MAP2K4: variants seen among roughly 807,000 people sequenced by gnomAD.
The protein encoded by MAP2K4 is dual specificity mitogen-activated protein kinase kinase 4.
Under a neutral mutation model 48.5 loss-of-function variants are expected in MAP2K4, and 4 were observed. The ratio of observed to expected loss-of-function variants is 0.08; its 90% CI spans 0.04 to 0.19. MAP2K4 has a LOEUF of 0.19. Among genes scored for constraint, MAP2K4 ranks in the 10% least tolerant of loss-of-function variants. The probability of loss-of-function intolerance (pLI) is 1.00; values close to 1 mark genes in which losing one functional copy is unlikely to be tolerated. For synonymous variants in MAP2K4, 166 were observed against 173.1 expected (o/e 0.96, Z 0.32); for missense variants, 258 against 493.3 (o/e 0.52, Z 4.52).
At chr17:12,073,597 C>A (rs549557598) in intron 2 of MAP2K4, among the ~76,000 whole-genome samples, 1 of 152,024 alleles carries the variant, frequency 6.6e-6, no homozygotes, top group East Asian at 1.9e-4. Flanking sequence ...TCTTCTTTTT[C>A]TTTCTCTCCT....
intron 7 of MAP2K4, chr17:12,124,668 C>A (rs1171189266): frequency 2.6e-5 from 4 of 151,748 alleles, no homozygotes; most frequent in Non-Finnish European, 5.9e-5. Flanking sequence ...TTTTTTAAAA[C>A]CTTTTTATTT....
chr17:12,078,213 G>C (rs1422706043), intron 2 of MAP2K4, among the ~76,000 whole-genome samples: 1 of 152,214 alleles, frequency 6.6e-6, no homozygotes, highest in East Asian at 1.9e-4. Context: ...TTGGGTGACA[G>C]CTGATAGTTA....
At chr17:12,095,795 A>C (rs1474387770) in intron 4 of MAP2K4, 101 bp downstream of exon 4, 2 of 1,302,658 alleles carry the variant, frequency 1.5e-6, no homozygotes, top group Non-Finnish European at 2.2e-6. Flanking sequence ...CATTAGTAAT[A>C]AGTTAATATC....
rs564963904 is a variant in MAP2K4, at chr17:12,068,116, T to G, written c.218+13125T>G. ...GGGAAATATTCAACTTGTCATGGAA[T>G]GGAAGGAATGGCAGTTCACATGGAG... On this transcript the variant is annotated intron_variant, in intron 2 of 10. Coordinates refer to ENST00000353533, the MANE Select transcript of MAP2K4 (RefSeq NM_003010.4). Among the ~76,000 whole-genome samples, 3 of 152,184 alleles carry G rather than the reference T, an allele frequency of 2.0e-5. No homozygotes were observed. In the South Asian group the frequency reaches 6.2e-4, roughly 32 times the overall value.
intron 2 of MAP2K4, among the ~76,000 whole-genome samples, chr17:12,077,375 G>T (rs778201636): frequency 1.2e-4 from 18 of 152,176 alleles, no homozygotes; most frequent in Non-Finnish European, 2.4e-4. Context: ...AATGCTAGGG[G>T]CTGTATTAAT....
intron 1 of MAP2K4, among the ~76,000 whole-genome samples, chr17:12,025,350 AT>A (rs1162381223): frequency 6.6e-6 from 1 of 152,306 alleles, no homozygotes; most frequent in East Asian, 1.9e-4. Flanking sequence ...TGCTTTGAAA[AT>A]TATAGAATAT....
rs28922868 is a variant in MAP2K4 at position 12,074,238 on chromosome 17, A to G, written c.219-7118A>G. 1.2e-3 allele frequency among the ~76,000 whole-genome samples: 186 copies of G among 151,906 alleles called. 2 individuals are homozygous for G. The East Asian group carries it at 0.025, about 20-fold the overall frequency. On this transcript the variant is annotated intron_variant, in intron 2 of 10. Transcript: ENST00000353533. ...TTTTTGTCATTTCTGGTCAGTTGCA[A>G]TTGATTGATGTTTTTCTCTTCACTA...
intron 4 of MAP2K4, among the ~76,000 whole-genome samples, chr17:12,101,686 A>G (rs1241166226): frequency 6.6e-6 from 1 of 152,008 alleles, no homozygotes; most frequent in East Asian, 1.9e-4. Flanking sequence ...ATTATTTTAC[A>G]TCTTCTTTAA....
intron 9 of MAP2K4, among the ~76,000 whole-genome samples, chr17:12,135,050 G>T (rs1258176008): frequency 6.6e-6 from 1 of 152,024 alleles, no homozygotes; most frequent in Non-Finnish European, 1.5e-5. Context: ...CTACAGGAAT[G>T]TGCCACTACA....
intron 7 of MAP2K4, among the ~76,000 whole-genome samples, chr17:12,123,186 A>G (rs922015445): frequency 1.3e-5 from 2 of 152,202 alleles, no homozygotes; most frequent in African/African-American, 4.8e-5. Context: ...GTGTAAGGCC[A>G]GTGTTATTTC....
At chr17:12,061,064 A>T (rs1970436564) in intron 2 of MAP2K4, among the ~76,000 whole-genome samples, 1 of 152,324 alleles carries the variant, frequency 6.6e-6, no homozygotes, top group African/African-American at 2.4e-5. Flanking sequence ...AAGTGGAATC[A>T]TAACAATATT....
intron 8 of MAP2K4, among the ~76,000 whole-genome samples, chr17:12,125,925 A>T (rs1208557315): frequency 1.3e-5 from 2 of 152,238 alleles, no homozygotes; most frequent in Non-Finnish European, 2.9e-5. Context: ...AAAGAACTAC[A>T]TGAGACTGGG....
At chr17:12,113,574 C>T (rs576620565) in intron 7 of MAP2K4, among the ~76,000 whole-genome samples, 27 of 152,306 alleles carry the variant, frequency 1.8e-4, no homozygotes, top group African/African-American at 6.3e-4. Flanking sequence ...ATTTCTCTTA[C>T]TTGGTATTTA....
At chr17:12,133,796 A>G (rs1000854244) in intron 9 of MAP2K4, among the ~76,000 whole-genome samples, 1 of 152,188 alleles carries the variant, frequency 6.6e-6, no homozygotes, top group Non-Finnish European at 1.5e-5. Flanking sequence ...ACCCATATAC[A>G]ACTCTGTAGC....
chr17:12,082,424 T>G (rs1971223741), intron 3 of MAP2K4, among the ~76,000 whole-genome samples: 1 of 152,212 alleles, frequency 6.6e-6, no homozygotes, highest in Non-Finnish European at 1.5e-5. Context: ...CAAAAATGTT[T>G]CAGTTTACAA....
At chr17:12,118,520 G>C (rs1972574991) in intron 7 of MAP2K4, among the ~76,000 whole-genome samples, 3 of 152,142 alleles carry the variant, frequency 2.0e-5, no homozygotes, top group Admixed American at 2.0e-4. Flanking sequence ...TTGCAGGGAA[G>C]CTGGACTGAA....
chr17:12,073,900 A>G (rs1416044535), intron 2 of MAP2K4, among the ~76,000 whole-genome samples: 3 of 151,782 alleles, frequency 2.0e-5, no homozygotes, highest in Admixed American at 2.0e-4. Flanking sequence ...CAGCCTCCCA[A>G]GTAGCTGGGA....
chr17:12,088,447 T>TATATTAA (rs1327457336), intron 3 of MAP2K4, among the ~76,000 whole-genome samples: 2 of 137,290 alleles, frequency 1.5e-5, no homozygotes, highest in African/African-American at 2.6e-5. Flanking sequence ...ACATATAATA[T>TATATTAA]ATATTAAATA....
intron 9 of MAP2K4, among the ~76,000 whole-genome samples, chr17:12,131,278 C>T (rs1242451905): frequency 7.0e-6 from 1 of 142,890 alleles, no homozygotes. Context: ...GAGATGGAGT[C>T]TCAGTTGCCC....
Sources: gnomAD v4.1 joint callset for allele counts (sites outside exome capture counted in the v4.1 genomes callset) on GRCh38, gnomAD v4.1.1 for gene constraint, MANE v1.5 for transcripts, NCBI Gene and HGNC (gene_info 2026-07-23, HGNC 2026-07-21) for gene names.